Variants in PRELID2 observed in about 807,000 individuals in gnomAD.
The protein encoded by PRELID2 is PRELI domain containing 2, also known as PRELI domain-containing protein 2.
PRELID2 carries 25 observed loss-of-function variants against 28.4 expected under a neutral mutation model. That is an observed-to-expected ratio of 0.88 (90% CI 0.64 to 1.23). The LOEUF is 1.23. Ranked by LOEUF, PRELID2 falls within the 50% of genes most tolerant of loss-of-function variation. PRELID2 has a pLI of 0.00. For synonymous variants in PRELID2, 76 were observed against 71.6 expected, an observed-to-expected ratio of 1.06 and a Z score of -0.31; for missense variants, 201 against 214.4, an observed-to-expected ratio of 0.94 and a Z score of 0.39.
chr5:145,748,120 C>G (rs1300260469), intron 1 of PRELID2, among the ~76,000 whole-genome samples: 1 of 152,192 alleles, frequency 6.6e-6, no homozygotes, highest in Non-Finnish European at 1.5e-5. Context: ...CCCTCTCTCA[C>G]CACTCCTATT....
At chr5:145,549,421 C>T (rs1221552234) in intron 1 of PRELID2, among the ~76,000 whole-genome samples, 4 of 152,168 alleles carry the variant, frequency 2.6e-5, no homozygotes, top group East Asian at 1.9e-4. Flanking sequence ...TGCTCTACTA[C>T]AGTTCGGAGG....
In PRELID2 at chr5:145,788,158, A is replaced by C. The variant is rs180959061; in HGVS notation, c.474+8284T>G. ...TCACACAGTGGTTGGGCCATCTTCC[A>C]AGGCTGTAGAAATGTATATGAAGCC... On this transcript the variant is annotated intron_variant, in intron 5 of 6. Coordinates refer to ENST00000683046, the MANE Select transcript of PRELID2 (RefSeq NM_205846.3). 6.3e-3 allele frequency among the ~76,000 whole-genome samples: 955 copies of C among 151,506 alleles called. 6 individuals carry two copies. The highest frequency in any genetic ancestry group is 7.8e-3 in the Non-Finnish European group (531 of 68,022).
chr5:145,336,749 T>G, the PRELID2 span, among the ~76,000 whole-genome samples: 1 of 151,996 alleles, frequency 6.6e-6, no homozygotes, highest in Admixed American at 6.6e-5. Flanking sequence ...TAAGGAAATG[T>G]GGCACATATA....
chr5:145,561,718 C>T (rs1445664824), intron 1 of PRELID2, among the ~76,000 whole-genome samples: 1 of 152,166 alleles, frequency 6.6e-6, no homozygotes, highest in African/African-American at 2.4e-5. Flanking sequence ...TTTTCACTGT[C>T]ACATAGCCTC....
chr5:145,256,973 T>C, the PRELID2 span, among the ~76,000 whole-genome samples: 1 of 151,904 alleles, frequency 6.6e-6, no homozygotes, highest in Non-Finnish European at 1.5e-5. Flanking sequence ...TTGTACTACA[T>C]GAAGTGTTTT....
At chr5:145,455,789 G>T in the PRELID2 span, among the ~76,000 whole-genome samples, 2 of 152,176 alleles carry the variant, frequency 1.3e-5, no homozygotes, top group Non-Finnish European at 2.9e-5. Flanking sequence ...TTGGCTAGGG[G>T]AGGGAGCTCC....
At chr5:145,642,982 T>C (rs1754133570) in intron 1 of PRELID2, among the ~76,000 whole-genome samples, 1 of 152,236 alleles carries the variant, frequency 6.6e-6, no homozygotes, top group Non-Finnish European at 1.5e-5. Context: ...TGGCTTAGGA[T>C]TGTCTTGGCT....
At chr5:145,779,948 A>G (rs1226181486) in intron 5 of PRELID2, among the ~76,000 whole-genome samples, 1 of 152,246 alleles carries the variant, frequency 6.6e-6, no homozygotes, top group East Asian at 1.9e-4. Context: ...AGTAATGTTA[A>G]TAACAACAAC....
the PRELID2 span, chr5:145,440,902 A>T: frequency 6.6e-6 from 1 of 152,118 alleles, no homozygotes; most frequent in Admixed American, 6.5e-5. Context: ...TGGTCACAAG[A>T]GGCTCATTAG....
At chr5:145,252,309 A>T in the PRELID2 span, among the ~76,000 whole-genome samples, 1 of 152,152 alleles carries the variant, frequency 6.6e-6, no homozygotes, top group Admixed American at 6.6e-5. Context: ...GTCTTAAACG[A>T]AAATCTGCAT....
intron 1 of PRELID2, among the ~76,000 whole-genome samples, chr5:145,691,424 G>C (rs998196774): frequency 3.3e-5 from 5 of 152,074 alleles, no homozygotes; most frequent in African/African-American, 1.2e-4. Context: ...TCTAAGACTC[G>C]GCCGGGCGTG....
intron 4 of PRELID2, among the ~76,000 whole-genome samples, chr5:145,799,866 C>A (rs1303422771): frequency 6.6e-6 from 1 of 152,222 alleles, no homozygotes; most frequent in East Asian, 1.9e-4. Flanking sequence ...GACTAAAACG[C>A]TCCTTGCCAT....
intron 1 of PRELID2, among the ~76,000 whole-genome samples, chr5:145,664,283 C>A (rs1754547485): frequency 6.6e-6 from 1 of 152,056 alleles, no homozygotes; most frequent in Non-Finnish European, 1.5e-5. Flanking sequence ...TTTAGATCTA[C>A]TTTTATTTGT....
At chr5:145,468,335 G>T (rs1211050600), downstream of PRELID2, among the ~76,000 whole-genome samples, 1 of 152,078 alleles carries the variant, frequency 6.6e-6, no homozygotes, top group Non-Finnish European at 1.5e-5. Context: ...ATTTGGCTTG[G>T]TTCCAAGTCT....
chr5:145,273,273 C>T, the PRELID2 span, among the ~76,000 whole-genome samples: 1 of 152,098 alleles, frequency 6.6e-6, no homozygotes, highest in African/African-American at 2.4e-5. Flanking sequence ...ATTTCTTGGT[C>T]TTTCAGATGT....
the PRELID2 span, among the ~76,000 whole-genome samples, chr5:145,358,614 T>A: frequency 2.0e-5 from 3 of 151,958 alleles, no homozygotes; most frequent in Admixed American, 2.0e-4. Context: ...GGAGAAAAGA[T>A]GAAAGCCAAA....
chr5:145,824,070 G>A (rs1561653440), intron 1 of PRELID2, among the ~76,000 whole-genome samples: 1 of 152,002 alleles, frequency 6.6e-6, no homozygotes, highest in Non-Finnish European at 1.5e-5. Flanking sequence ...AATCACCTAA[G>A]AGTTAAATTA....
chr5:145,258,194 T>C, the PRELID2 span, among the ~76,000 whole-genome samples: 1 of 152,212 alleles, frequency 6.6e-6, no homozygotes, highest in Admixed American at 6.5e-5. Context: ...AGGTATTTCT[T>C]TACAGCAATG....
chr5:145,766,698 A>T (rs1214861481), intron 5 of PRELID2, among the ~76,000 whole-genome samples: 1 of 152,154 alleles, frequency 6.6e-6, no homozygotes, highest in East Asian at 1.9e-4. Context: ...CCACTGTCAG[A>T]GGTAGGAGAC....
Sources: allele counts gnomAD v4.1 joint callset (sites outside exome capture counted in the v4.1 genomes callset), GRCh38; gene constraint gnomAD v4.1.1; transcripts MANE v1.5; gene names NCBI Gene and HGNC (gene_info 2026-07-23, HGNC 2026-07-21).